ARAP2: variants seen among roughly 807,000 people sequenced by gnomAD.
ARAP2 encodes arf-GAP with Rho-GAP domain, ANK repeat and PH domain-containing protein 2.
Under a neutral mutation model 194.5 loss-of-function variants are expected in ARAP2, and 148 were observed. That is an observed-to-expected ratio of 0.76 (90% confidence interval 0.67 to 0.87). The LOEUF (loss-of-function observed/expected upper bound fraction) is 0.87. Among genes scored for constraint, ARAP2 ranks in the 40% least tolerant of loss-of-function variants. ARAP2 has a pLI of 0.00. For synonymous variants in ARAP2, 695 were observed against 683.5 expected, an observed-to-expected ratio of 1.02 and a Z score of -0.26; for missense variants, 2,128 against 1,989.7, an observed-to-expected ratio of 1.07 and a Z score of -1.32.
At chr4:36,143,459 G>C (rs1224499309) in intron 19 of ARAP2, among the ~76,000 whole-genome samples, 1 of 151,340 alleles carries the variant, frequency 6.6e-6, no homozygotes, top group African/African-American at 2.4e-5. Context: ...CTGAACACTT[G>C]ATTTTTAAAA....
At chr4:36,110,297 A>G (rs999159857) in intron 26 of ARAP2, among the ~76,000 whole-genome samples, 2 of 151,960 alleles carry the variant, frequency 1.3e-5, no homozygotes, top group Non-Finnish European at 2.9e-5. Context: ...AGAAGATAAC[A>G]GCAGTTTATG....
At chr4:36,218,210 T>A (rs1748394245) in intron 2 of ARAP2, among the ~76,000 whole-genome samples, 1 of 152,230 alleles carries the variant, frequency 6.6e-6, no homozygotes, top group South Asian at 2.1e-4. Flanking sequence ...AGCAAACTAA[T>A]GCAGGAACAG....
intron 5 of ARAP2, among the ~76,000 whole-genome samples, chr4:36,034,308 T>C (rs187402201): frequency 6.6e-6 from 1 of 152,314 alleles, no homozygotes; most frequent in East Asian, 1.9e-4. Flanking sequence ...TTGTGTCTTC[T>C]CTGATTCCTT....
intron 28 of ARAP2, among the ~76,000 whole-genome samples, chr4:36,087,513 C>A (rs1318840971): frequency 1.3e-5 from 2 of 152,032 alleles, no homozygotes; most frequent in Non-Finnish European, 2.9e-5. Flanking sequence ...TATAAGTTAG[C>A]TCAGATTGAG....
chr4:36,112,267 A>T (rs868161853), intron 26 of ARAP2, among the ~76,000 whole-genome samples: 1 of 151,984 alleles, frequency 6.6e-6, no homozygotes, highest in Non-Finnish European at 1.5e-5. Context: ...GCCCTAAAAA[A>T]AGTATAGTCT....
chr4:36,060,899 C>G (rs115755096), intron 1 of ARAP2, among the ~76,000 whole-genome samples: 1 of 152,188 alleles, frequency 6.6e-6, no homozygotes, highest in Admixed American at 6.5e-5. Context: ...TCTGTGAAGG[C>G]CCTACCTCCA....
chr4:36,032,919 A>T (rs969709029), intron 5 of ARAP2, among the ~76,000 whole-genome samples: 1 of 152,192 alleles, frequency 6.6e-6, no homozygotes, highest in African/African-American at 2.4e-5. Context: ...ACTTGAGAAC[A>T]TGCAATATTT....
intron 6 of ARAP2, among the ~76,000 whole-genome samples, chr4:36,199,315 G>A (rs1041784549): frequency 2.6e-5 from 4 of 152,130 alleles, no homozygotes; most frequent in East Asian, 1.9e-4. Flanking sequence ...TTTTTGAGGT[G>A]GAGTCTCACT....
intron 6 of ARAP2, among the ~76,000 whole-genome samples, chr4:36,206,076 G>A (rs954002473): frequency 5.3e-5 from 8 of 152,132 alleles, no homozygotes; most frequent in Non-Finnish European, 1.2e-4. Flanking sequence ...TGCCTTCACC[G>A]CAGCCCCAAG....
Position 36,229,213 on chromosome 4 carries a change from C to T in ARAP2, c.274G>A (p.Asp92Asn), listed in dbSNP as rs772636106. 77 of 1,614,050 alleles carry T rather than the reference C, an allele frequency of 4.8e-5. 2 individuals are homozygous for T. The South Asian group carries it at 8.0e-4, about 17-fold the overall frequency. Residue 92 changes from aspartate (D) to asparagine (N), a missense_variant, in exon 2 of 33, where the codon GAT becomes AAT. Coordinates refer to ENST00000303965, the MANE Select transcript of ARAP2 (RefSeq NM_015230.4). ...KTKKNDDPSK[D>N]YHVPSSDQNI... ...TGATCAGAAGATGGAACATGGTAAT[C>T]CTTTGAAGGGTCATCATTCTTCTTA... is the stretch of plus-strand genomic sequence containing the variant.
At chr4:36,187,817 G>A (rs1740912062) in intron 7 of ARAP2, among the ~76,000 whole-genome samples, 1 of 152,184 alleles carries the variant, frequency 6.6e-6, no homozygotes, top group Non-Finnish European at 1.5e-5. Context: ...AAAAGGGAAA[G>A]AATCAAATAC....
At chr4:36,226,873 C>T (rs1750437238) in intron 2 of ARAP2, among the ~76,000 whole-genome samples, 1 of 152,166 alleles carries the variant, frequency 6.6e-6, no homozygotes, top group Non-Finnish European at 1.5e-5. Flanking sequence ...TCAGTCCTGG[C>T]AAAGATGCAG....
chr4:36,108,278 A>G lies in ARAP2; in HGVS notation c.4157-585T>C, dbSNP rs543540904. On this transcript the variant is annotated intron_variant, in intron 26 of 32. Coordinates refer to ENST00000303965, the MANE Select transcript of ARAP2 (RefSeq NM_015230.4). ...TTATATGCAATTAAATGGTTTTAAA[A>G]GGACTAACAAACTTAATATTGTCCG... Among the ~76,000 whole-genome samples the G allele has an allele frequency of 3.9e-5, 6 of 152,110 alleles. No homozygotes were observed. In the South Asian group the frequency reaches 1.2e-3, roughly 32 times the overall value.
chr4:36,192,457 C>T (rs1444009162), intron 7 of ARAP2, among the ~76,000 whole-genome samples: 1 of 152,054 alleles, frequency 6.6e-6, no homozygotes, highest in Non-Finnish European at 1.5e-5. Flanking sequence ...GACACAGTTA[C>T]TAGAAATTAT....
At chr4:36,179,467 T>C (rs1738723678) in intron 8 of ARAP2, among the ~76,000 whole-genome samples, 1 of 152,308 alleles carries the variant, frequency 6.6e-6, no homozygotes, top group South Asian at 2.1e-4. Context: ...CATAGCACTA[T>C]GTGAACAACA....
chr4:36,141,232 T>TA (rs1381966866), intron 19 of ARAP2, among the ~76,000 whole-genome samples: 8 of 151,642 alleles, frequency 5.3e-5, no homozygotes, highest in Admixed American at 1.3e-4. Context: ...TATTTGACAA[T>TA]ATTATTTTTT....
In ARAP2 at chr4:36,210,624, A is replaced by G; in HGVS notation, c.1253T>C (p.Val418Ala). 1 of 1,613,916 alleles carries G rather than the reference A, an allele frequency of 6.2e-7. No individual in the cohort carries two copies. The highest frequency in any genetic ancestry group is 8.5e-7 in the Non-Finnish European group (1 of 1,179,886). Reference sequence around the variant, plus strand: ...TCTTAAACTCTGAAAGCATTCTTCTACTGTTGAGTATTCTGATTCAGAAGC... The same window carrying G: ...TCTTAAACTCTGAAAGCATTCTTCTGCTGTTGAGTATTCTGATTCAGAAGC... The part of the protein sequence containing the change: ...DTASESEYST[V>A]EECFQSLRRK... The change falls in exon 6 of 33, where the codon GTA becomes GCA. Residue 418 changes from valine (V) to alanine (A), a missense_variant. Coordinates refer to ENST00000303965, the MANE Select transcript of ARAP2 (RefSeq NM_015230.4).
Position 36,081,770 on chromosome 4 carries a change from A to G in ARAP2, c.4544+481T>C, listed in dbSNP as rs28581790. On this transcript the variant is annotated intron_variant, in intron 30 of 32. Transcript: ENST00000303965. The stretch of plus-strand genomic sequence containing the variant: ...TGGAGGAGGGGCACAAGGAAGAGGC[A>G]GATCTCGTGTGGCTCAGTGACCGAT... Among the ~76,000 whole-genome samples, 996 of 152,052 alleles carry G rather than the reference A, an allele frequency of 6.6e-3. 6 individuals are homozygous for G. The highest frequency in any genetic ancestry group is 0.023 in the African/African-American group (942 of 41,480).
intron 1 of ARAP2, among the ~76,000 whole-genome samples, chr4:36,240,013 T>C (rs963305240): frequency 4.6e-5 from 7 of 152,194 alleles, no homozygotes; most frequent in African/African-American, 1.7e-4. Flanking sequence ...ATGCCCGAAT[T>C]CCAGTCCAGG....
Sources: gnomAD v4.1 joint callset for allele counts (sites outside exome capture counted in the v4.1 genomes callset) on GRCh38, gnomAD v4.1.1 for gene constraint, MANE v1.5 for transcripts, NCBI Gene and HGNC (gene_info 2026-07-23, HGNC 2026-07-21) for gene names.